The following CTNNA2 variants were observed in gnomAD, a reference collection of about 807,000 sequenced individuals.
The protein encoded by CTNNA2 is catenin alpha 2.
A neutral mutation model predicts 101.0 loss-of-function variants in CTNNA2; 42 were observed. That is an observed-to-expected ratio of 0.42 (90% CI 0.32 to 0.54). CTNNA2 has a LOEUF of 0.54. CTNNA2 is among the 20% of genes least tolerant of loss of function. CTNNA2 has a pLI of 0.14. For missense variants in CTNNA2, 871 were observed against 1,223.1 expected (o/e 0.71, Z 4.29); for synonymous variants, 450 against 456.4 (o/e 0.99, Z 0.18).
intron 4 of CTNNA2, among the ~76,000 whole-genome samples, chr2:79,469,611 A>G (rs912569794): frequency 1.3e-5 from 2 of 152,326 alleles, no homozygotes; most frequent in South Asian, 2.1e-4. Context: ...CCTGATGAAC[A>G]TCGATGCAAA....
At chr2:79,333,569 T>C (rs527484633) in intron 3 of CTNNA2, among the ~76,000 whole-genome samples, 1 of 152,296 alleles carries the variant, frequency 6.6e-6, no homozygotes, top group African/African-American at 2.4e-5. Context: ...CCAGCCAACA[T>C]TTATTCCTGT....
Position 80,303,224 on chromosome 2 carries a change from C to T in CTNNA2, c.1057-89987C>T. 6.2e-7 allele frequency: 1 copy of T among 1,613,878 alleles called. No individual in the cohort carries two copies. The highest frequency in any genetic ancestry group is 8.5e-7 in the Non-Finnish European group (1 of 1,179,962). On this transcript the variant is annotated intron_variant, in intron 7 of 18. Transcript: ENST00000402739. This position sits in a 1 kb window ranked among gnomAD's most constrained non-coding sequence, Gnocchi z 7.7. ...GCCGGCGAAAGAGTTGCGCGCCAGA[C>T]TCTTGAGCTGATTGTATCCGATGTC...
At chr2:79,757,515 C>G (rs1294617346) in intron 3 of CTNNA2, among the ~76,000 whole-genome samples, 3 of 151,964 alleles carry the variant, frequency 2.0e-5, no homozygotes, top group Non-Finnish European at 4.4e-5. Flanking sequence ...TCACAGAAAA[C>G]ATTTAAAGAG....
intron 4 of CTNNA2, among the ~76,000 whole-genome samples, chr2:79,457,721 T>A (rs1670840971): frequency 6.6e-6 from 1 of 152,174 alleles, no homozygotes; most frequent in African/African-American, 2.4e-5. Context: ...TGCAGTAGGT[T>A]GACTAAGTTT....
intron 3 of CTNNA2, among the ~76,000 whole-genome samples, chr2:79,834,639 T>G (rs1391206210): frequency 1.2e-3 from 2 of 1,694 alleles, no homozygotes; most frequent in East Asian, 5.9e-3. Flanking sequence ...TTATGTACTA[T>G]TTTTTGCAAA....
chr2:80,198,256 A>G (rs1706967036), intron 7 of CTNNA2, among the ~76,000 whole-genome samples: 1 of 152,196 alleles, frequency 6.6e-6, no homozygotes. Context: ...CAGTTACGTC[A>G]GGGGTGTCTT....
chr2:80,033,106 G>A (rs547930363), intron 7 of CTNNA2, among the ~76,000 whole-genome samples: 16 of 136,114 alleles, frequency 1.2e-4, no homozygotes, highest in Non-Finnish European at 2.0e-4. Flanking sequence ...AGCTGAGATC[G>A]CACCATTGCA....
chr2:80,410,601 T>C (rs1679480266), intron 8 of CTNNA2, among the ~76,000 whole-genome samples: 1 of 152,158 alleles, frequency 6.6e-6, no homozygotes, highest in Non-Finnish European at 1.5e-5. Flanking sequence ...CTAGCTTATG[T>C]AAAAAGTGTT....
chr2:80,334,292 C>T (rs1377386747), intron 7 of CTNNA2, among the ~76,000 whole-genome samples: 1 of 152,158 alleles, frequency 6.6e-6, no homozygotes, highest in Non-Finnish European at 1.5e-5. Flanking sequence ...TGATGAGTCT[C>T]ACTTTTCCCA....
intron 2 of CTNNA2, among the ~76,000 whole-genome samples, chr2:79,669,008 G>A (rs188178561): frequency 2.0e-5 from 3 of 152,220 alleles, no homozygotes; most frequent in African/African-American, 7.2e-5. Flanking sequence ...CCAGCAGGCT[G>A]GGTGAGGTGT....
At chr2:79,367,072 G>A (rs139196247) in intron 3 of CTNNA2, among the ~76,000 whole-genome samples, 3 of 152,262 alleles carry the variant, frequency 2.0e-5, no homozygotes, top group African/African-American at 7.2e-5. Context: ...TAGGTCATAA[G>A]GGTAGAGCCC....
chr2:79,879,689 A>G (rs1289656112), intron 6 of CTNNA2, among the ~76,000 whole-genome samples: 2 of 152,138 alleles, frequency 1.3e-5, no homozygotes, highest in African/African-American at 4.8e-5. Flanking sequence ...ACTTTGCTGA[A>G]GTTGCTTATC....
rs566341381 is a variant in CTNNA2, at chr2:80,002,281, C to T, written c.1056+92484C>T. On this transcript the variant is annotated intron_variant, in intron 7 of 18. Transcript: ENST00000402739. ...TTTAGAGTTGGAGCTGGGCTGGTAC[C>T]ACGTGGACCGCTCTTACTCTAAAAG... 2.0e-5 allele frequency among the ~76,000 whole-genome samples: 3 copies of T among 152,118 alleles called. No individual in the cohort carries two copies. The South Asian group carries it at 6.2e-4, about 32-fold the overall frequency.
intron 3 of CTNNA2, among the ~76,000 whole-genome samples, chr2:79,783,806 G>A (rs958076680): frequency 6.6e-6 from 1 of 152,106 alleles, no homozygotes; most frequent in Admixed American, 6.5e-5. Context: ...GGATTGTAAA[G>A]AGGGTTTCTT....
At chr2:79,635,356 C>T (rs1194743517) in intron 1 of CTNNA2, among the ~76,000 whole-genome samples, 1 of 151,644 alleles carries the variant, frequency 6.6e-6, no homozygotes, top group Admixed American at 6.6e-5. Context: ...GGCGTGAACC[C>T]GGGAGGTGGA....
intron 7 of CTNNA2, among the ~76,000 whole-genome samples, chr2:80,194,638 A>T (rs983671042): frequency 6.6e-6 from 1 of 151,754 alleles, no homozygotes; most frequent in Non-Finnish European, 1.5e-5. Context: ...GTAAAAAAAG[A>T]TTAGGTAATA....
At chr2:79,802,159 A>G (rs1676217549) in intron 3 of CTNNA2, among the ~76,000 whole-genome samples, 1 of 152,152 alleles carries the variant, frequency 6.6e-6, no homozygotes, top group Non-Finnish European at 1.5e-5. Context: ...TGCCACCAGC[A>G]AAGACCTAAA....
chr2:79,771,002 G>C (rs1023711935), intron 3 of CTNNA2, among the ~76,000 whole-genome samples: 1 of 152,210 alleles, frequency 6.6e-6, no homozygotes, highest in Admixed American at 6.5e-5. Context: ...GATCAAGCTG[G>C]TTGGCCTCTA....
chr2:79,955,709 T>C (rs1025802878), intron 7 of CTNNA2, among the ~76,000 whole-genome samples: 3 of 152,134 alleles, frequency 2.0e-5, no homozygotes, highest in Non-Finnish European at 2.9e-5. Flanking sequence ...GAGACAGAAG[T>C]CTGCCTATAT....
Sources: allele counts gnomAD v4.1 joint callset (sites outside exome capture counted in the v4.1 genomes callset), GRCh38; gene constraint gnomAD v4.1.1; non-coding constraint Gnocchi (gnomAD v3.1); transcripts MANE v1.5; gene names NCBI Gene and HGNC (gene_info 2026-07-23, HGNC 2026-07-21).